The following RBFOX1 variants were observed in gnomAD, a reference collection of about 807,000 sequenced individuals.
RBFOX1 encodes the protein RNA binding protein fox-1 homolog 1.
Under a neutral mutation model 57.7 loss-of-function variants are expected in RBFOX1, and 8 were observed. That is an observed-to-expected ratio of 0.14 (90% CI 0.08 to 0.25). The LOEUF (loss-of-function observed/expected upper bound fraction) is 0.25. Among genes scored for constraint, RBFOX1 ranks in the 10% least tolerant of loss-of-function variants. RBFOX1 has a pLI of 1.00. For missense variants in RBFOX1, 611 were observed against 548.5 expected (o/e 1.11, Z -1.14); for synonymous variants, 326 against 222.4 (o/e 1.47, Z -4.15).
intron 1 of RBFOX1, among the ~76,000 whole-genome samples, chr16:6,026,942 C>T (rs192619094): frequency 1.3e-5 from 2 of 152,246 alleles, no homozygotes; most frequent in African/African-American, 2.4e-5. Context: ...CTCACTCCAT[C>T]TAATCACCGT....
chr16:7,229,294 A>C (rs928110259), intron 4 of RBFOX1, among the ~76,000 whole-genome samples: 5 of 152,152 alleles, frequency 3.3e-5, no homozygotes, highest in South Asian at 4.1e-4. Flanking sequence ...AGTTGAGGAG[A>C]CCCTGAGATG....
chr16:7,187,690 C>CAAAAAAAAAAAAA (rs536529201), intron 4 of RBFOX1, among the ~76,000 whole-genome samples: 17 of 72,568 alleles, frequency 2.3e-4, no homozygotes, highest in East Asian at 4.8e-4. Context: ...CTCTGTCTCA[C>CAAAAAAAAAAAAA]AAAAAAAAAA....
At chr16:7,344,410 CAAT>C (rs2096955371) in intron 4 of RBFOX1, among the ~76,000 whole-genome samples, 1 of 149,092 alleles carries the variant, frequency 6.7e-6, no homozygotes, top group Non-Finnish European at 1.5e-5. Flanking sequence ...ATATATATTT[CAAT>C]AATATATGCA....
chr16:6,868,870 G>A (rs1224489685), intron 3 of RBFOX1, among the ~76,000 whole-genome samples: 2 of 152,182 alleles, frequency 1.3e-5, no homozygotes, highest in African/African-American at 4.8e-5. Context: ...ATGCAGGGAG[G>A]TGATGTGACT....
At position 6,643,229 on chromosome 16, in the gene RBFOX1, T is replaced by C. The variant is rs550542570; in HGVS notation, c.-63-11374T>C. 5.3e-5 allele frequency among the ~76,000 whole-genome samples: 8 copies of C among 152,330 alleles called. No individual in the cohort carries two copies. The South Asian group carries it at 6.2e-4, about 12-fold the overall frequency. The stretch of plus-strand genomic sequence containing the variant: ...ACCTGATGAATTGGATACTCTTGCA[T>C]AGGACTTGGTGCTTTCGGTATTTTT... On this transcript the variant is annotated intron_variant, in intron 2 of 15. Coordinates refer to ENST00000550418, the MANE Select transcript of RBFOX1 (RefSeq NM_018723.4).
chr16:7,121,516 T>G (rs1303896233), intron 4 of RBFOX1, among the ~76,000 whole-genome samples: 3 of 151,970 alleles, frequency 2.0e-5, no homozygotes, highest in African/African-American at 7.2e-5. Context: ...AACAAACATA[T>G]AAGAGATCTT....
chr16:5,878,330 T>G (rs868420731), intron 4 of RBFOX1, among the ~76,000 whole-genome samples: 1 of 152,168 alleles, frequency 6.6e-6, no homozygotes, highest in African/African-American at 2.4e-5. Flanking sequence ...TGTATATAAA[T>G]TACCTCTTTT....
At chr16:6,203,322 C>G (rs576696808) in intron 1 of RBFOX1, among the ~76,000 whole-genome samples, 26 of 152,232 alleles carry the variant, frequency 1.7e-4, no homozygotes, top group African/African-American at 6.3e-4. Context: ...TTTCAGATTC[C>G]TCCTAATAAT....
intron 2 of RBFOX1, among the ~76,000 whole-genome samples, chr16:6,606,489 A>G (rs2097927865): frequency 6.6e-6 from 1 of 152,076 alleles, no homozygotes; most frequent in South Asian, 2.1e-4. Flanking sequence ...CCCCATACGC[A>G]TTAGCTGTTT....
chr16:5,580,565 G>C (rs2046630937), intron 2 of RBFOX1, among the ~76,000 whole-genome samples: 1 of 152,180 alleles, frequency 6.6e-6, no homozygotes, highest in South Asian at 2.1e-4. Context: ...GCTCCAGCTG[G>C]TCCTGCTTCA....
At chr16:5,669,775 C>T (rs943454459) in intron 3 of RBFOX1, among the ~76,000 whole-genome samples, 4 of 152,104 alleles carry the variant, frequency 2.6e-5, no homozygotes, top group Non-Finnish European at 4.4e-5. Context: ...GAGATGGTTC[C>T]TGAGTAGAAA....
rs566673902 is a variant in RBFOX1 at position 5,496,239 on chromosome 16, C to T, written c.258+28985C>T. Among the ~76,000 whole-genome samples the T allele has an allele frequency of 3.9e-5, 6 of 152,306 alleles. 1 individual carries two copies. The South Asian group carries it at 8.3e-4, about 21-fold the overall frequency. On this transcript the variant is annotated intron_variant, in intron 2 of 2. Coordinates refer to the RBFOX1 transcript ENST00000585867. ...CCCTTTTCTTGAGTGCATACTATTC[C>T]CTTTGCAATAAATCTCTGTACTGTC...
At chr16:7,241,399 A>C (rs992558078) in intron 4 of RBFOX1, among the ~76,000 whole-genome samples, 1 of 152,178 alleles carries the variant, frequency 6.6e-6, no homozygotes, top group Non-Finnish European at 1.5e-5. Flanking sequence ...GGGGATTTGC[A>C]GTTCAATGGG....
At chr16:7,567,140 C>CATATATATACCTATATATATATATCCAT (rs369922520) in intron 5 of RBFOX1, among the ~76,000 whole-genome samples, 50 of 57,672 alleles carry the variant, frequency 8.7e-4, no homozygotes, top group African/African-American at 2.4e-3. Context: ...TATGTATATC[C>CATATATATACCTATATATATATATCCAT]ATATATATCC....
intron 3 of RBFOX1, among the ~76,000 whole-genome samples, chr16:5,837,628 A>T (rs1342518102): frequency 6.8e-6 from 1 of 145,990 alleles, no homozygotes; most frequent in African/African-American, 2.5e-5. Flanking sequence ...TTTTCCTGAG[A>T]GGTTCCTGGT....
Position 5,766,014 on chromosome 16 carries a change from T to C in RBFOX1, c.319-101289T>C, listed in dbSNP as rs1011144876. Among the ~76,000 whole-genome samples, 4 of 152,180 alleles carry C rather than the reference T, an allele frequency of 2.6e-5. No individual in the cohort carries two copies. In the South Asian group the frequency reaches 6.2e-4, roughly 24 times the overall value. On this transcript the variant is annotated intron_variant, in intron 3 of 19. Coordinates refer to the RBFOX1 transcript ENST00000641259. ...TTTACAACACTGGAGAGTCAGCCCA[T>C]TGGGACAGTGGGGACTAGCTTGGTA...
intron 3 of RBFOX1, among the ~76,000 whole-genome samples, chr16:5,708,705 G>T (rs865920336): frequency 2.0e-5 from 3 of 152,128 alleles, no homozygotes; most frequent in Non-Finnish European, 2.9e-5. Context: ...TGTTCCAGTG[G>T]TATATCTGGC....
At chr16:7,085,805 G>A (rs777928190) in intron 4 of RBFOX1, among the ~76,000 whole-genome samples, 1 of 152,120 alleles carries the variant, frequency 6.6e-6, no homozygotes, top group African/African-American at 2.4e-5. Context: ...GTAGGAGAAA[G>A]CAATCAATCC....
In RBFOX1 at chr16:7,183,197, C is replaced by T. The variant is rs561675026; in HGVS notation, c.27+131099C>T. On this transcript the variant is annotated intron_variant, in intron 4 of 15. Transcript: ENST00000550418. Reference sequence around the variant, plus strand: ...GAGTCAGATAGAACAGCCACTTCTCCTGGCTGCCTGTGTCTGAAGGGAGGT... The same window carrying T: ...GAGTCAGATAGAACAGCCACTTCTCTTGGCTGCCTGTGTCTGAAGGGAGGT... Among the ~76,000 whole-genome samples, 33 of 152,254 alleles carry T rather than the reference C, an allele frequency of 2.2e-4. 1 individual carries two copies. The highest frequency in any genetic ancestry group is 7.9e-4 in the African/African-American group (33 of 41,558).
Sources: gnomAD v4.1 joint callset for allele counts (sites outside exome capture counted in the v4.1 genomes callset) on GRCh38, gnomAD v4.1.1 for gene constraint, MANE v1.5 for transcripts, NCBI Gene and HGNC (gene_info 2026-07-23, HGNC 2026-07-21) for gene names.